ASH1L: variants seen among roughly 807,000 people sequenced by gnomAD.
The protein encoded by ASH1L is histone-lysine N-methyltransferase ASH1L.
ASH1L carries 23 observed loss-of-function variants against 269.0 expected under a neutral mutation model. The observed-to-expected ratio is 0.09, with a 90% confidence interval of 0.06 to 0.12. The LOEUF is 0.12. Among genes scored for constraint, ASH1L ranks in the 10% least tolerant of loss-of-function variants. The pLI is 1.00. For missense variants in ASH1L, 2,912 were observed against 3,567.8 expected, an observed-to-expected ratio of 0.82 and a Z score of 4.68; for synonymous variants, 1,187 against 1,253.5, an observed-to-expected ratio of 0.95 and a Z score of 1.12.
chr1:155,526,312 C>T (rs150407596), intron 1 of ASH1L, among the ~76,000 whole-genome samples: 200 of 152,258 alleles, frequency 1.3e-3, no homozygotes, highest in African/African-American at 4.6e-3. Context: ...ATAACTTTAT[C>T]TTGTGTTACA....
chr1:155,489,973 CTTT>C (rs563706417), intron 2 of ASH1L, among the ~76,000 whole-genome samples: 5 of 144,330 alleles, frequency 3.5e-5, no homozygotes, highest in African/African-American at 1.3e-4. Context: ...ACATGTAAGA[CTTT>C]TTTTTTTTTT....
At chr1:155,431,685 C>G (rs1281168607) in intron 5 of ASH1L, among the ~76,000 whole-genome samples, 1 of 152,086 alleles carries the variant, frequency 6.6e-6, no homozygotes, top group Non-Finnish European at 1.5e-5. Flanking sequence ...GACGCTTGAG[C>G]CCGGGAGGTG....
chr1:155,433,697 G>A (rs1325453802), intron 5 of ASH1L: 3 of 1,599,028 alleles, frequency 1.9e-6, no homozygotes, highest in East Asian at 2.2e-5. Context: ...CACCCTGGGG[G>A]TTCTATTTGG....
At chr1:155,400,373 T>A (rs1658731126) in intron 6 of ASH1L, among the ~76,000 whole-genome samples, 1 of 149,836 alleles carries the variant, frequency 6.7e-6, no homozygotes, top group Non-Finnish European at 1.5e-5. Flanking sequence ...AGAGGAAGAG[T>A]CTTAGAGGAG....
At chr1:155,551,659 C>CAA (rs936454643) in intron 1 of ASH1L, among the ~76,000 whole-genome samples, 9 of 49,174 alleles carry the variant, frequency 1.8e-4, no homozygotes, top group African/African-American at 6.2e-4. Flanking sequence ...GACTCCGTCT[C>CAA]AAAAAAAAAA....
In ASH1L at chr1:155,419,064, T is replaced by A. The variant is rs187394333; in HGVS notation, c.5829-3141A>T. On this transcript the variant is annotated intron_variant, in intron 5 of 27. Transcript: ENST00000392403. ...TGGGAGGGCAAATAAATAAATAAAT[T>A]AATTAATTAAACAAAAAAGCAGCAG... is the stretch of plus-strand genomic sequence containing the variant. 1.5e-3 allele frequency among the ~76,000 whole-genome samples: 230 copies of A among 151,196 alleles called. 1 individual carries two copies. The highest frequency in any genetic ancestry group is 4.5e-3 in the East Asian group (23 of 5,136).
At chr1:155,356,827 A>G (rs1467419475) in intron 15 of ASH1L, among the ~76,000 whole-genome samples, 1 of 151,622 alleles carries the variant, frequency 6.6e-6, no homozygotes, top group Non-Finnish European at 1.5e-5. Context: ...GCTGGCTCGT[A>G]TCTGTAATCC....
At chr1:155,562,848 C>A (rs1356283765), upstream of ASH1L, 2 of 481,536 alleles carry the variant, frequency 4.2e-6, no homozygotes, top group African/African-American at 4.0e-5. Flanking sequence ...CCCCCCCTTC[C>A]CCGCCCCCAC....
intron 16 of ASH1L, 96 bp from the exon 17 acceptor site, chr1:155,352,954 C>T (rs1203387852): frequency 8.2e-7 from 1 of 1,225,424 alleles, no homozygotes; most frequent in Non-Finnish European, 1.1e-6. Context: ...TCTATTTTCC[C>T]CTGAAGTGAT....
Position 155,478,130 on chromosome 1 carries a change from T to C in ASH1L, c.4740A>G (p.Ser1580=), listed in dbSNP as rs776055749. The C allele has an allele frequency of 6.2e-7, 1 of 1,614,130 alleles. No homozygotes were observed. The highest frequency in any genetic ancestry group is 1.7e-5 in the Admixed American group (1 of 60,000). ...CAAGGGATAAGCTTGGAGAACTTTC[T>C]GAACAGTCAATCTGTAAAGGTGTCT... is the stretch of plus-strand genomic sequence containing the variant. ...GLQTPLQIDC[S]ESSPSLSLGG... Residue 1580 remains serine, a synonymous_variant, in exon 3 of 28, where the codon TCA becomes TCG. Coordinates refer to ENST00000392403, the MANE Select transcript of ASH1L (RefSeq NM_018489.3). This position sits in a 1 kb window ranked among gnomAD's most constrained non-coding sequence, Gnocchi z 4.6.
intron 6 of ASH1L, among the ~76,000 whole-genome samples, chr1:155,408,827 C>A (rs565315954): frequency 3.0e-4 from 45 of 151,872 alleles, no homozygotes; most frequent in Admixed American, 9.2e-4. Context: ...CAAGCCTGGG[C>A]AACATAGGGA....
chr1:155,401,184 A>C (rs1411978581), intron 6 of ASH1L, among the ~76,000 whole-genome samples: 2 of 150,980 alleles, frequency 1.3e-5, no homozygotes, highest in Non-Finnish European at 2.9e-5. Flanking sequence ...GTGTTAAAAA[A>C]GATCGCCGGT....
intron 8 of ASH1L, among the ~76,000 whole-genome samples, chr1:155,379,433 C>G (rs1326685303): frequency 6.6e-6 from 1 of 152,154 alleles, no homozygotes; most frequent in Non-Finnish European, 1.5e-5. Flanking sequence ...AATTGCATGA[C>G]TATTTCTATT....
intron 7 of ASH1L, among the ~76,000 whole-genome samples, chr1:155,386,188 C>A (rs1364205599): frequency 6.6e-6 from 1 of 151,898 alleles, no homozygotes; most frequent in Non-Finnish European, 1.5e-5. Context: ...CCGCCTCAGC[C>A]TCCCAAGTAG....
At chr1:155,489,795 A>AAATAAATAAAT (rs1666629119) in intron 2 of ASH1L, among the ~76,000 whole-genome samples, 58 of 141,552 alleles carry the variant, frequency 4.1e-4, no homozygotes, top group Middle Eastern at 3.5e-3. Context: ...ACACTGTCTC[A>AAATAAATAAAT]AAATAAATAA....
intron 4 of ASH1L, among the ~76,000 whole-genome samples, chr1:155,439,560 C>A (rs1444459492): frequency 3.9e-5 from 6 of 151,994 alleles, no homozygotes; most frequent in African/African-American, 1.4e-4. Context: ...ATTAGCCAGG[C>A]ATGCTGGCTG....
At chr1:155,349,706 A>ATT in intron 17 of ASH1L, 110 bp from the exon 18 acceptor site, 1 of 708,572 alleles carries the variant, frequency 1.4e-6, no homozygotes, top group South Asian at 1.9e-5. Context: ...GAAAAATCCA[A>ATT]GTCTTTTTTT....
intron 3 of ASH1L, among the ~76,000 whole-genome samples, chr1:155,468,811 C>G (rs1407762299): frequency 6.6e-6 from 1 of 152,062 alleles, no homozygotes; most frequent in Non-Finnish European, 1.5e-5. Flanking sequence ...ACTTAAAAAT[C>G]ATATGTAATT....
chr1:155,477,877 C>A lies in ASH1L; in HGVS notation c.4984+9G>T. 6.3e-7 allele frequency: 1 copy of A among 1,580,458 alleles called. No homozygotes were observed. On this transcript the variant is annotated intron_variant, in intron 3 of 27. Transcript: ENST00000392403. ...TAACAAATAACAGGTAACAAAATAA[C>A]CCTCTTACCTGCCAAAGTCTGTACT...
Sources: allele counts gnomAD v4.1 joint callset (sites outside exome capture counted in the v4.1 genomes callset), GRCh38; gene constraint gnomAD v4.1.1; non-coding constraint Gnocchi (gnomAD v3.1); transcripts MANE v1.5; gene names NCBI Gene and HGNC (gene_info 2026-07-23, HGNC 2026-07-21).